Variants in FASTKD1 observed in about 807,000 individuals in gnomAD.
The protein encoded by FASTKD1 is FAST kinase domains 1.
FASTKD1 carries 94 observed loss-of-function variants against 90.9 expected under a neutral mutation model. The ratio of observed to expected loss-of-function variants is 1.03; its 90% confidence interval spans 0.88 to 1.23. FASTKD1 has a LOEUF of 1.23. Ranked by LOEUF, FASTKD1 falls within the 50% of genes most tolerant of loss-of-function variation. FASTKD1 has a pLI of 0.00. For synonymous variants in FASTKD1, 319 were observed against 345.8 expected (o/e 0.92, Z 0.86); for missense variants, 945 against 993.5 (o/e 0.95, Z 0.66).
rs143334851 is a variant in FASTKD1, at chr2:169,533,904, C to T, written c.2189-2414G>A. 1.8e-4 allele frequency among the ~76,000 whole-genome samples: 28 copies of T among 152,198 alleles called. No homozygotes were observed. The East Asian group carries it at 4.4e-3, about 24-fold the overall frequency. Reference sequence around the variant, plus strand: ...TGGGACCTTAGGCCAGGCGTGGTAGCTCACACCTGTTATCCTAGCACTTTA... The same window carrying T: ...TGGGACCTTAGGCCAGGCGTGGTAGTTCACACCTGTTATCCTAGCACTTTA... On this transcript the variant is annotated intron_variant, in intron 12 of 14. Transcript: ENST00000453153.
At chr2:169,563,204 A>G (rs756702690) in intron 4 of FASTKD1, 21 bp downstream of exon 4, 1 of 1,605,746 alleles carries the variant, frequency 6.2e-7, no homozygotes, top group South Asian at 1.1e-5. Flanking sequence ...CCACAACACA[A>G]GATTCCCTAA....
At position 169,567,529 on chromosome 2, in the gene FASTKD1, T is replaced by A. The variant is rs560474987; in HGVS notation, c.446+1655A>T. Among the ~76,000 whole-genome samples the A allele has an allele frequency of 4.6e-5, 7 of 152,348 alleles. No individual in the cohort carries two copies. The South Asian group carries it at 1.4e-3, about 32-fold the overall frequency. Reference sequence around the variant, plus strand: ...TTAAAATCACAACTTAGTAGATTAATACAGAATTTCTAAATCTGGAGAACT... The same window carrying A: ...TTAAAATCACAACTTAGTAGATTAAAACAGAATTTCTAAATCTGGAGAACT... On this transcript the variant is annotated intron_variant, in intron 3 of 14. Coordinates refer to ENST00000453153, the MANE Select transcript of FASTKD1 (RefSeq NM_024622.6).
chr2:169,567,915 A>G (rs1022516982), intron 3 of FASTKD1, among the ~76,000 whole-genome samples: 2 of 152,140 alleles, frequency 1.3e-5, no homozygotes, highest in African/African-American at 4.8e-5. Flanking sequence ...AGTTTTCAGA[A>G]ATAGATGAAG....
At chr2:169,558,391 G>A (rs1251285224) in intron 5 of FASTKD1, among the ~76,000 whole-genome samples, 1 of 152,050 alleles carries the variant, frequency 6.6e-6, no homozygotes, top group Non-Finnish European at 1.5e-5. Context: ...CAGAGTAGCT[G>A]GGATTAGAGA....
chr2:169,571,911 A>G lies in FASTKD1; in HGVS notation c.119T>C (p.Ile40Thr). ...QFRPISCEPLIIQMNKCTDEE... is the reference protein window; with the variant it reads ...QFRPISCEPLTIQMNKCTDEE... ...ATCTGTACACTTATTCATCTGAATAATTAGTGGTTCACAACTGATGGGTCG... is the reference window on the plus strand; with the variant it reads ...ATCTGTACACTTATTCATCTGAATAGTTAGTGGTTCACAACTGATGGGTCG... Residue 40 changes from isoleucine (I) to threonine (T), a missense_variant, in exon 2 of 15, where the codon ATT (isoleucine) becomes ACT (threonine). Ile to Thr is a moderately conservative substitution (Grantham distance 89, BLOSUM62 -1). Coordinates refer to ENST00000453153, the MANE Select transcript of FASTKD1 (RefSeq NM_024622.6). 6.2e-7 allele frequency: 1 copy of G among 1,614,144 alleles called. No homozygotes were observed. Among genetic ancestry groups the G allele is most frequent in the Non-Finnish European group, 8.5e-7 (1 of 1,180,004 alleles).
intron 5 of FASTKD1, 52 bp from the exon 6 acceptor site, chr2:169,557,349 C>A: frequency 9.9e-6 from 10 of 1,013,944 alleles, no homozygotes; most frequent in South Asian, 1.5e-5. Flanking sequence ...AATTAGCTTG[C>A]AATTTTTTTT....
intron 14 of FASTKD1, 61 bp downstream of exon 14, chr2:169,530,526 G>T (rs1403637821): frequency 5.8e-6 from 5 of 859,302 alleles, no homozygotes; most frequent in Non-Finnish European, 9.2e-6. Flanking sequence ...TTAAAAGGAA[G>T]CACATGTACA....
At chr2:169,564,435 A>AT (rs869250764) in intron 3 of FASTKD1, among the ~76,000 whole-genome samples, 39 of 152,052 alleles carry the variant, frequency 2.6e-4, no homozygotes, top group African/African-American at 8.4e-4. Context: ...TAAAAAAAAA[A>AT]TTTTTTTTGT....
At position 169,571,651 on chromosome 2, in the gene FASTKD1, A is replaced by T; in HGVS notation, c.377+2T>A. Reference sequence around the variant, plus strand: ...CATAAAATATAAAAGTAAATTACTTACTGTTGTGTGACGTATAACACATTC... The same window carrying T: ...CATAAAATATAAAAGTAAATTACTTTCTGTTGTGTGACGTATAACACATTC... On this transcript the variant is annotated splice_donor_variant, in intron 2 of 14. Transcript: ENST00000453153. LOFTEE classifies it high-confidence loss of function. 6.5e-7 allele frequency: 1 copy of T among 1,527,662 alleles called. No individual in the cohort carries two copies. Among genetic ancestry groups the T allele is most frequent in the Non-Finnish European group, 8.9e-7 (1 of 1,119,020 alleles). The allele number at this position is 1,527,662 out of a possible 1,614,324, so 94.6% of individuals were successfully genotyped here.
Position 169,538,241 on chromosome 2 carries a change from T to C in FASTKD1, c.1946-100A>G, listed in dbSNP as rs1411851583. 6 of 940,746 alleles carry C rather than the reference T, an allele frequency of 6.4e-6. No homozygotes were observed. The East Asian group carries it at 1.5e-4, about 23-fold the overall frequency. The allele number at this position is 940,746 out of a possible 1,614,324, so 58.3% of individuals were successfully genotyped here. A position where few individuals can be genotyped will look rare whatever the true frequency, so the allele number is the denominator to read the frequency against. ...TTATCCCCACTATTAGTAGATGCTTTTATTCTAACAGTATTTAGAACTGTT... is the reference window on the plus strand; with the variant it reads ...TTATCCCCACTATTAGTAGATGCTTCTATTCTAACAGTATTTAGAACTGTT... On this transcript the variant is annotated intron_variant, in intron 10 of 14. Transcript: ENST00000453153.
At chr2:169,570,918 C>T (rs1237706205) in intron 2 of FASTKD1, 1 of 152,128 alleles carries the variant, frequency 6.6e-6, no homozygotes, top group African/African-American at 2.4e-5. Context: ...TCAGGTGATC[C>T]ACCCACCTCA....
intron 12 of FASTKD1, among the ~76,000 whole-genome samples, chr2:169,535,170 T>TTATTG (rs1553535130): frequency 1.1e-4 from 17 of 151,720 alleles, no homozygotes; most frequent in Non-Finnish European, 2.1e-4. Flanking sequence ...CAATGTTTGT[T>TTATTG]TTTTGTTTTG....
chr2:169,566,628 C>T (rs1683998728), intron 3 of FASTKD1, among the ~76,000 whole-genome samples: 1 of 152,082 alleles, frequency 6.6e-6, no homozygotes, highest in African/African-American at 2.4e-5. Context: ...AGGACGATGG[C>T]TTGAGCCTGG....
chr2:169,573,083 G>A (rs1210326599), intron 1 of FASTKD1: 1 of 152,188 alleles, frequency 6.6e-6, no homozygotes, highest in Non-Finnish European at 1.5e-5. Flanking sequence ...TAGTGAAGCA[G>A]GGACTACAAC....
chr2:169,570,215 G>A (rs1684170379), intron 2 of FASTKD1, among the ~76,000 whole-genome samples: 1 of 152,172 alleles, frequency 6.6e-6, no homozygotes, highest in Non-Finnish European at 1.5e-5. Context: ...AACAGATTAG[G>A]TGTAACTTTT....
At position 169,560,428 on chromosome 2, in the gene FASTKD1, A is replaced by C; in HGVS notation, c.930T>G (p.Phe310Leu). 1 of 1,569,566 alleles carries C rather than the reference A, an allele frequency of 6.4e-7. No homozygotes were observed. The highest frequency in any genetic ancestry group is 2.2e-5 in the East Asian group (1 of 44,608). ...CNHPASFVKL[F>L]VALGPIAGPE... ...GTCCTGCAATGGGTCCCAATGCTAC[A>C]AACAATTTTACAAAGCTAGCAGGAT... Residue 310 changes from phenylalanine (F) to leucine (L), a missense_variant, in exon 5 of 15, where the codon TTT becomes TTG. Coordinates refer to ENST00000453153, the MANE Select transcript of FASTKD1 (RefSeq NM_024622.6).
chr2:169,540,029 A>T, intron 10 of FASTKD1, 22 bp downstream of exon 10: 1 of 1,431,374 alleles, frequency 7.0e-7, no homozygotes, highest in Non-Finnish European at 9.6e-7. Context: ...ATAATTAAAT[A>T]AATTAAAAGA....
At chr2:169,545,038 G>A (rs1032416453) in intron 8 of FASTKD1, among the ~76,000 whole-genome samples, 3 of 152,168 alleles carry the variant, frequency 2.0e-5, no homozygotes, top group South Asian at 2.1e-4. Flanking sequence ...AAGTGTTAAT[G>A]TAACAAAAAA....
At position 169,560,540 on chromosome 2, in the gene FASTKD1, C is replaced by G. The variant is rs1368237907; in HGVS notation, c.818G>C (p.Ser273Thr). 1.2e-6 allele frequency: 2 copies of G among 1,603,046 alleles called. No individual in the cohort carries two copies. The highest frequency in any genetic ancestry group is 1.7e-6 in the Non-Finnish European group (2 of 1,175,522). The change falls in exon 5 of 15, where the codon AGT (serine) becomes ACT (threonine). Residue 273 changes from serine to threonine, a missense_variant. Transcript: ENST00000453153. ...ATTAAATTGTAGAAATTTGTATACA[C>G]TAAGTATTTTACTGATGGAATCCAA... ...LDLDSISKIL[S>T]VYKFLQFNSF...
Sources: allele counts gnomAD v4.1 joint callset (sites outside exome capture counted in the v4.1 genomes callset), GRCh38; gene constraint gnomAD v4.1.1; transcripts MANE v1.5; gene names NCBI Gene and HGNC (gene_info 2026-07-23, HGNC 2026-07-21).